HTR1F: variants seen among roughly 807,000 people sequenced by gnomAD.
HTR1F encodes the protein 5-hydroxytryptamine (serotonin) receptor 1F, G protein-coupled.
Under a neutral mutation model 24.0 loss-of-function variants are expected in HTR1F, and 17 were observed. The observed-to-expected ratio is 0.71, with a 90% CI of 0.48 to 1.06. The LOEUF is 1.06. Among genes scored for constraint, HTR1F ranks in the 50% least tolerant of loss-of-function variants. The pLI, the probability that HTR1F is intolerant of heterozygous loss-of-function variation, is 0.00. For missense variants in HTR1F, 391 were observed against 427.8 expected, an observed-to-expected ratio of 0.91 and a Z score of 0.76; for synonymous variants, 186 against 156.8, an observed-to-expected ratio of 1.19 and a Z score of -1.39.
intron 1 of HTR1F, among the ~76,000 whole-genome samples, chr3:87,801,968 A>G (rs1703995934): frequency 1.3e-5 from 2 of 152,030 alleles, no homozygotes; most frequent in Admixed American, 1.3e-4. Flanking sequence ...TATATAAAGC[A>G]TGGCTTTGCT....
intron 2 of HTR1F, among the ~76,000 whole-genome samples, chr3:87,869,412 G>GAGAGATAGATAC (rs1705500398): frequency 9.0e-6 from 1 of 110,534 alleles, no homozygotes; most frequent in Admixed American, 8.6e-5. Context: ...TAGATAGATA[G>GAGAGATAGATAC]ATAGATAGAT....
At chr3:87,807,285 G>A (rs1339149843) in intron 1 of HTR1F, among the ~76,000 whole-genome samples, 1 of 151,628 alleles carries the variant, frequency 6.6e-6, no homozygotes, top group Non-Finnish European at 1.5e-5. Flanking sequence ...CCTTCGTGTT[G>A]TTTTTAATTT....
intron 1 of HTR1F, among the ~76,000 whole-genome samples, chr3:87,808,647 A>G (rs1704111477): frequency 6.6e-6 from 1 of 150,794 alleles, no homozygotes; most frequent in Non-Finnish European, 1.5e-5. Context: ...CTTTCTTTCT[A>G]CTTATTTGGG....
At chr3:87,882,320 C>T (rs1174814737) in intron 2 of HTR1F, among the ~76,000 whole-genome samples, 2 of 152,274 alleles carry the variant, frequency 1.3e-5, no homozygotes, top group Middle Eastern at 3.4e-3. Context: ...GGATCTAGAA[C>T]AAGAAATACC....
At chr3:87,905,725 CTTTA>C (rs1703651943) in intron 2 of HTR1F, among the ~76,000 whole-genome samples, 1 of 124,178 alleles carries the variant, frequency 8.1e-6, no homozygotes. Flanking sequence ...TCTCTAAATA[CTTTA>C]TTTAGCAAAA....
At chr3:87,975,132 T>C (rs1705366206) in intron 2 of HTR1F, among the ~76,000 whole-genome samples, 4 of 152,176 alleles carry the variant, frequency 2.6e-5, no homozygotes, top group Non-Finnish European at 4.4e-5. Context: ...GCTACTCTTA[T>C]AGGAGTAACC....
At chr3:87,896,910 C>T (rs1269181584) in intron 2 of HTR1F, among the ~76,000 whole-genome samples, 1 of 152,058 alleles carries the variant, frequency 6.6e-6, no homozygotes, top group Non-Finnish European at 1.5e-5. Context: ...ACAAGAGATA[C>T]ATGTCGGTGA....
intron 2 of HTR1F, among the ~76,000 whole-genome samples, chr3:87,823,199 G>C (rs536098234): frequency 1.3e-5 from 2 of 152,244 alleles, no homozygotes; most frequent in African/African-American, 4.8e-5. Context: ...TGGCAGGAAT[G>C]TACTGTCTAT....
At chr3:87,842,271 C>G (rs1275747060) in intron 2 of HTR1F, among the ~76,000 whole-genome samples, 1 of 151,688 alleles carries the variant, frequency 6.6e-6, no homozygotes, top group Non-Finnish European at 1.5e-5. Context: ...AAGCAATTCT[C>G]TGCCTCAGCC....
At chr3:87,929,836 G>A (rs1261302260) in intron 2 of HTR1F, among the ~76,000 whole-genome samples, 9 of 152,162 alleles carry the variant, frequency 5.9e-5, no homozygotes, top group Non-Finnish European at 2.9e-5. Flanking sequence ...GTTCTTTGAA[G>A]AATGTCCTTG....
intron 2 of HTR1F, among the ~76,000 whole-genome samples, chr3:87,911,601 C>T (rs1227960466): frequency 6.6e-6 from 1 of 151,824 alleles, no homozygotes; most frequent in Non-Finnish European, 1.5e-5. Flanking sequence ...ATCCTAATAC[C>T]AAAATGTGGC....
At chr3:87,797,065 A>G (rs1703917378) in intron 1 of HTR1F, among the ~76,000 whole-genome samples, 1 of 152,212 alleles carries the variant, frequency 6.6e-6, no homozygotes, top group South Asian at 2.1e-4. Flanking sequence ...GTTAAATGGA[A>G]AATTTCAGAC....
At chr3:87,911,948 GACAGCCA>G (rs923771834) in intron 2 of HTR1F, among the ~76,000 whole-genome samples, 2 of 151,928 alleles carry the variant, frequency 1.3e-5, no homozygotes, top group Admixed American at 6.6e-5. Flanking sequence ...ATAACAAACT[GACAGCCA>G]ACATCATACC....
At chr3:87,877,305 A>C (rs1034429453) in intron 2 of HTR1F, among the ~76,000 whole-genome samples, 1 of 152,172 alleles carries the variant, frequency 6.6e-6, no homozygotes, top group African/African-American at 2.4e-5. Flanking sequence ...AATGTGCCTG[A>C]GTTGTCTAGC....
intron 2 of HTR1F, among the ~76,000 whole-genome samples, chr3:87,868,360 T>A (rs572499482): frequency 1.3e-5 from 2 of 152,186 alleles, no homozygotes; most frequent in South Asian, 2.1e-4. Flanking sequence ...GAATTAGATG[T>A]GATTTCACTT....
intron 1 of HTR1F, among the ~76,000 whole-genome samples, chr3:87,800,911 T>A (rs189519833): frequency 6.6e-6 from 1 of 152,356 alleles, no homozygotes; most frequent in East Asian, 1.9e-4. Context: ...CTTCTGTATC[T>A]ACAGTCTTTA....
chr3:87,825,905 CT>C (rs1308611932), intron 2 of HTR1F, among the ~76,000 whole-genome samples: 16 of 152,306 alleles, frequency 1.1e-4, no homozygotes, highest in Non-Finnish European at 1.8e-4. Context: ...ATACCACCAC[CT>C]CTATCAGTGG....
At chr3:87,900,499 G>A (rs1706297621) in intron 2 of HTR1F, among the ~76,000 whole-genome samples, 1 of 152,188 alleles carries the variant, frequency 6.6e-6, no homozygotes, top group Non-Finnish European at 1.5e-5. Context: ...GGAGGGGCAT[G>A]ATCTGACTTA....
chr3:87,973,422 A>G (rs1478294463), intron 2 of HTR1F, among the ~76,000 whole-genome samples: 1 of 152,144 alleles, frequency 6.6e-6, no homozygotes, highest in Non-Finnish European at 1.5e-5. Flanking sequence ...CCCTTCAACC[A>G]TCTATTGACT....
Sources: gnomAD v4.1 joint callset for allele counts (sites outside exome capture counted in the v4.1 genomes callset) on GRCh38, gnomAD v4.1.1 for gene constraint, MANE v1.5 for transcripts, NCBI Gene and HGNC (gene_info 2026-07-23, HGNC 2026-07-21) for gene names.